PACRG: variants seen among roughly 807,000 people sequenced by gnomAD.
The protein encoded by PACRG is parkin coregulated.
In PACRG, 29 loss-of-function variants were observed where a neutral mutation model predicts 29.7. The observed-to-expected ratio is 0.98, with a 90% CI of 0.73 to 1.33. PACRG has a LOEUF of 1.33. PACRG is among the 40% of genes most tolerant of loss of function. The pLI is 0.00. For missense variants in PACRG, 279 were observed against 316.2 expected (o/e 0.88, Z 0.89); for synonymous variants, 116 against 118.7 (o/e 0.98, Z 0.15).
intron 1 of PACRG, among the ~76,000 whole-genome samples, chr6:162,752,919 T>C (rs1361207153): frequency 1.3e-5 from 2 of 152,190 alleles, no homozygotes; most frequent in African/African-American, 4.8e-5. Flanking sequence ...TATTTTTCTT[T>C]AGGCTTTTAT....
chr6:162,790,836 GA>G, intron 1 of PACRG, among the ~76,000 whole-genome samples: 1 of 152,272 alleles, frequency 6.6e-6, no homozygotes, highest in African/African-American at 2.4e-5. Context: ...GAAGATAACT[GA>G]ATAAGTCTTT....
At chr6:162,738,006 AG>A (rs1197847308) in intron 1 of PACRG, among the ~76,000 whole-genome samples, 1 of 152,170 alleles carries the variant, frequency 6.6e-6, no homozygotes, top group Non-Finnish European at 1.5e-5. Flanking sequence ...AAATAGAAAA[AG>A]AGGCATTTAT....
At chr6:162,757,456 G>T (rs1782016666) in intron 1 of PACRG, among the ~76,000 whole-genome samples, 2 of 152,136 alleles carry the variant, frequency 1.3e-5, no homozygotes, top group Non-Finnish European at 2.9e-5. Flanking sequence ...TTTGAGACCA[G>T]CCTGACTAAC....
In PACRG at chr6:162,755,092, C is replaced by T. The variant is rs574995201; in HGVS notation, c.156+26701C>T. ...GTGTGTTGGCATATAATTTTTCATA[C>T]TGGTTTCTTATGATCCTTTGTATTT... On this transcript the variant is annotated intron_variant, in intron 1 of 4. Coordinates refer to ENST00000366888, the MANE Select transcript of PACRG (RefSeq NM_001080379.2). Among the ~76,000 whole-genome samples, 70 of 152,232 alleles carry T rather than the reference C, an allele frequency of 4.6e-4. No individual in the cohort carries two copies. The South Asian group carries it at 6.6e-3, about 14-fold the overall frequency.
intron 2 of PACRG, among the ~76,000 whole-genome samples, chr6:162,969,546 C>T (rs796179670): frequency 1.4e-4 from 22 of 152,256 alleles, no homozygotes; most frequent in African/African-American, 4.3e-4. Context: ...GATTGTATCA[C>T]TCCACTGCAA....
At chr6:162,895,627 T>C (rs528638223) in intron 2 of PACRG, among the ~76,000 whole-genome samples, 31 of 152,350 alleles carry the variant, frequency 2.0e-4, no homozygotes, top group Non-Finnish European at 3.7e-4. Flanking sequence ...GTTTGTTTAA[T>C]CTCTCCAAAT....
chr6:163,081,768 G>T lies in PACRG; in HGVS notation c.464-7491G>T, dbSNP rs541180669. Among the ~76,000 whole-genome samples the T allele has an allele frequency of 5.9e-5, 9 of 151,998 alleles. No homozygotes were observed. The South Asian group carries it at 6.3e-4, about 11-fold the overall frequency. On this transcript the variant is annotated intron_variant, in intron 3 of 4. Transcript: ENST00000366888. Reference sequence around the variant, plus strand: ...AAAACCCTGTCTCAGAAAAAAAAGTGGGGGGGAGTAAATGCCATATTTTAT... The same window carrying T: ...AAAACCCTGTCTCAGAAAAAAAAGTTGGGGGGAGTAAATGCCATATTTTAT...
intron 4 of PACRG, among the ~76,000 whole-genome samples, chr6:163,108,705 CA>C (rs1370999966): frequency 6.6e-6 from 1 of 152,098 alleles, no homozygotes. Flanking sequence ...CTTTTCCTTA[CA>C]AATTACGCAG....
intron 4 of PACRG, among the ~76,000 whole-genome samples, chr6:163,280,308 TC>T (rs1044813946): frequency 2.6e-5 from 4 of 152,144 alleles, no homozygotes; most frequent in African/African-American, 7.2e-5. Flanking sequence ...CCACCACAGT[TC>T]CCCAGTTGTG....
At chr6:163,219,351 C>G (rs577373805) in intron 4 of PACRG, among the ~76,000 whole-genome samples, 1 of 152,166 alleles carries the variant, frequency 6.6e-6, no homozygotes, top group Non-Finnish European at 1.5e-5. Flanking sequence ...CCCTCACAAC[C>G]CACCTTAAAG....
At chr6:162,936,935 C>A (rs1261818190) in intron 2 of PACRG, among the ~76,000 whole-genome samples, 1 of 151,920 alleles carries the variant, frequency 6.6e-6, no homozygotes, top group Non-Finnish European at 1.5e-5. Context: ...GAGGTCAAGG[C>A]CATCTTTTCA....
At chr6:163,244,716 T>C (rs1406189517) in intron 4 of PACRG, among the ~76,000 whole-genome samples, 1 of 152,218 alleles carries the variant, frequency 6.6e-6, no homozygotes, top group Non-Finnish European at 1.5e-5. Context: ...CACCAACTCA[T>C]TCAGTTGCTA....
chr6:163,089,523 A>C (rs1813904169), intron 4 of PACRG, 115 bp downstream of exon 4: 5 of 1,277,178 alleles, frequency 3.9e-6, no homozygotes, highest in African/African-American at 3.0e-5. Flanking sequence ...ACCATGATCC[A>C]TTTGGAGATC....
intron 2 of PACRG, among the ~76,000 whole-genome samples, chr6:162,900,684 G>A (rs753213014): frequency 6.6e-6 from 1 of 152,046 alleles, no homozygotes; most frequent in Non-Finnish European, 1.5e-5. Context: ...AAACACACCG[G>A]CTTCCCCGCC....
At chr6:162,739,117 A>G (rs913174133) in intron 1 of PACRG, among the ~76,000 whole-genome samples, 2 of 152,210 alleles carry the variant, frequency 1.3e-5, no homozygotes, top group Admixed American at 1.3e-4. Flanking sequence ...ATTGTGACCA[A>G]CAGCTAATGA....
intron 4 of PACRG, among the ~76,000 whole-genome samples, chr6:163,126,974 C>T (rs1264502058): frequency 6.6e-6 from 1 of 152,210 alleles, no homozygotes; most frequent in Non-Finnish European, 1.5e-5. Flanking sequence ...CCCTCCCCAT[C>T]TCTCACCCCA....
chr6:162,786,765 A>G (rs1784496904), intron 1 of PACRG, among the ~76,000 whole-genome samples: 1 of 151,790 alleles, frequency 6.6e-6, no homozygotes. Flanking sequence ...ATGTTGTTAA[A>G]TCTCTTCCTC....
At chr6:162,934,137 T>C (rs1798067631) in intron 2 of PACRG, among the ~76,000 whole-genome samples, 1 of 151,884 alleles carries the variant, frequency 6.6e-6, no homozygotes, top group Admixed American at 6.6e-5. Context: ...GGTGGCACAC[T>C]CCTGTAATCG....
chr6:163,203,125 G>A (rs890461540), intron 4 of PACRG, among the ~76,000 whole-genome samples: 4 of 152,064 alleles, frequency 2.6e-5, no homozygotes, highest in Non-Finnish European at 4.4e-5. Flanking sequence ...ATGGGACCAG[G>A]CACGGCGGCT....
Sources: gnomAD v4.1 joint callset for allele counts (sites outside exome capture counted in the v4.1 genomes callset) on GRCh38, gnomAD v4.1.1 for gene constraint, MANE v1.5 for transcripts, NCBI Gene and HGNC (gene_info 2026-07-23, HGNC 2026-07-21) for gene names.